Variants in ALDH1L1 observed in about 807,000 individuals in gnomAD.
ALDH1L1 encodes aldehyde dehydrogenase 1 family member L1.
ALDH1L1 carries 68 observed loss-of-function variants against 101.1 expected under a neutral mutation model. The observed-to-expected ratio is 0.67, with a 90% CI of 0.55 to 0.82. The LOEUF (loss-of-function observed/expected upper bound fraction) is 0.82. Among genes scored for constraint, ALDH1L1 ranks in the 40% least tolerant of loss-of-function variants. The pLI, the probability that ALDH1L1 is intolerant of heterozygous loss-of-function variation, is 0.00. For synonymous variants in ALDH1L1, 486 were observed against 470.8 expected (o/e 1.03, Z -0.42); for missense variants, 1,087 against 1,172.7 (o/e 0.93, Z 1.07).
Position 126,135,547 on chromosome 3 carries a change from CG to C in ALDH1L1, c.1459del (p.Arg487GlyfsTer2). ...GTTGGGCTCCCACCTGTACATCAGC[CG>C]GCCCCGGTCCCGCGCACTGATCTTC... Reference protein sequence around the residue: ...WGKISARDRGRLMYRLADLME... With the variant: ...WGKISARDRGXLMYRLADLME... On this transcript the variant is annotated frameshift_variant, in exon 12 of 23. Transcript: ENST00000393434. LOFTEE classifies it high-confidence loss of function. 6.2e-7 allele frequency: 1 copy of C among 1,608,004 alleles called. No homozygotes were observed.
intron 1 of ALDH1L1, among the ~76,000 whole-genome samples, chr3:126,197,142 A>C (rs2081586147): frequency 6.6e-6 from 1 of 152,194 alleles, no homozygotes; most frequent in South Asian, 2.1e-4. Context: ...CTGCAACACA[A>C]AAGAAAAAAA....
intron 1 of ALDH1L1, among the ~76,000 whole-genome samples, chr3:126,177,194 G>A (rs904024646): frequency 7.2e-5 from 11 of 152,094 alleles, no homozygotes; most frequent in East Asian, 1.9e-4. Context: ...TCCATCAATC[G>A]CTCTTGATAT....
chr3:126,193,839 T>C (rs1418980423), intron 1 of ALDH1L1, among the ~76,000 whole-genome samples: 1 of 152,254 alleles, frequency 6.6e-6, no homozygotes, highest in Non-Finnish European at 1.5e-5. Flanking sequence ...AAGTATTTTC[T>C]TGATATTTAA....
In ALDH1L1 at chr3:126,112,840, A is replaced by G. The variant is rs373215192; in HGVS notation, c.2123T>C (p.Ile708Thr). ...SVFFNKGENC[I>T]AAGRLFVEDS... ...CTCCACAAAGAGTCGGCCTGCTGCA[A>G]TGCAATTCTCTCCTTTGTTGAAGAA... Residue 708 changes from isoleucine (I) to threonine (T), a missense_variant, in exon 19 of 23, where the codon ATT becomes ACT. Ile to Thr is a moderately conservative substitution (Grantham distance 89, BLOSUM62 -1). Transcript: ENST00000393434. 5.6e-6 allele frequency: 9 copies of G among 1,613,568 alleles called. No individual in the cohort carries two copies. Among genetic ancestry groups the G allele is most frequent in the Non-Finnish European group, 6.8e-6 (8 of 1,180,032 alleles).
chr3:126,147,463 T>G (rs1213573317), intron 8 of ALDH1L1, among the ~76,000 whole-genome samples: 1 of 152,208 alleles, frequency 6.6e-6, no homozygotes, highest in African/African-American at 2.4e-5. Context: ...GTCTGTGTCC[T>G]CTGAAGGATT....
intron 8 of ALDH1L1, among the ~76,000 whole-genome samples, chr3:126,149,284 G>A (rs1020315193): frequency 6.6e-6 from 1 of 152,228 alleles, no homozygotes; most frequent in Non-Finnish European, 1.5e-5. Flanking sequence ...ACCTCTTCAT[G>A]TGTGTTATCT....
intron 22 of ALDH1L1, 114 bp downstream of exon 22, chr3:126,105,612 T>C (rs1368750760): frequency 8.2e-7 from 1 of 1,226,622 alleles, no homozygotes; most frequent in East Asian, 2.3e-5. Flanking sequence ...CTGACAGCCA[T>C]CATGTTCAAG....
At chr3:126,156,072 G>A (rs1188328405) in intron 4 of ALDH1L1, 1 of 152,616 alleles carries the variant, frequency 6.6e-6, no homozygotes, top group Non-Finnish European at 1.5e-5. Flanking sequence ...ATCTGAGGCA[G>A]GGCTGCCCAA....
At chr3:126,127,124 C>T (rs2080202958) in intron 14 of ALDH1L1, among the ~76,000 whole-genome samples, 1 of 152,190 alleles carries the variant, frequency 6.6e-6, no homozygotes, top group Non-Finnish European at 1.5e-5. Context: ...TGATTAGGCC[C>T]TGGATTGGTG....
chr3:126,136,959 C>T, intron 10 of ALDH1L1, 76 bp from the exon 11 acceptor site: 1 of 1,580,060 alleles, frequency 6.3e-7, no homozygotes, highest in South Asian at 1.2e-5. Context: ...CACACAGTCA[C>T]ACACACACAC....
At chr3:126,119,258 G>A (rs1255704770) in intron 16 of ALDH1L1, among the ~76,000 whole-genome samples, 4 of 152,168 alleles carry the variant, frequency 2.6e-5, no homozygotes, top group Non-Finnish European at 4.4e-5. Context: ...ACTCCTCTGG[G>A]ATTCAGATCC....
At chr3:126,165,546 T>G (rs1393447658) in intron 1 of ALDH1L1, among the ~76,000 whole-genome samples, 3 of 152,228 alleles carry the variant, frequency 2.0e-5, no homozygotes, top group Non-Finnish European at 4.4e-5. Flanking sequence ...TGAATCCATC[T>G]GGCCCTGAGC....
intron 16 of ALDH1L1, among the ~76,000 whole-genome samples, chr3:126,121,200 G>C (rs913318263): frequency 6.6e-6 from 1 of 152,160 alleles, no homozygotes; most frequent in Admixed American, 6.5e-5. Flanking sequence ...GTCTTCCCTA[G>C]AACCTTTTAG....
chr3:126,152,817 T>A (rs2080831246), intron 7 of ALDH1L1: 1 of 161,456 alleles, frequency 6.2e-6, no homozygotes, highest in African/African-American at 2.4e-5. Context: ...CCTGGACAAG[T>A]TATTTAAATC....
In ALDH1L1 at chr3:126,153,568, A is replaced by G; in HGVS notation, c.734T>C (p.Phe245Ser). The change falls in exon 7 of 23, where the codon TTC becomes TCC. Residue 245 changes from phenylalanine to serine, a missense_variant. Around this residue, in one of 2 missense-constraint regions of ALDH1L1, gnomAD observed 645 missense variants for 637.0 expected, o/e 1.01. Transcript: ENST00000393434. ...GCCTGAAGTGTTCAGCGTTGAGTTG[A>G]AAAATGTCAGTTTCTGTCAAGGGGA... ...TEACEQKLTF[F>S]NSTLNTSGLV... is the part of the protein sequence containing the mutation. 6.2e-7 allele frequency: 1 copy of G among 1,611,822 alleles called. No individual in the cohort carries two copies. Among genetic ancestry groups the G allele is most frequent in the Non-Finnish European group, 8.5e-7 (1 of 1,178,722 alleles).
chr3:126,135,330 T>G, intron 12 of ALDH1L1: 1 of 560,070 alleles, frequency 1.8e-6, no homozygotes. Flanking sequence ...ATGTCTCCTG[T>G]TTCTCATATC....
chr3:126,180,835 G>T (rs995987168), upstream of ALDH1L1: 94 of 1,545,162 alleles, frequency 6.1e-5, no homozygotes, highest in African/African-American at 1.2e-3. Flanking sequence ...GCTTTGAAAA[G>T]TCCCAAGCAC....
chr3:126,173,409 T>C (rs537611971), intron 1 of ALDH1L1, among the ~76,000 whole-genome samples: 189 of 152,134 alleles, frequency 1.2e-3, no homozygotes, highest in African/African-American at 4.3e-3. Context: ...TAAGTGTATA[T>C]TGCAAACTGT....
intron 12 of ALDH1L1, among the ~76,000 whole-genome samples, chr3:126,133,779 C>T (rs1243627576): frequency 1.3e-5 from 2 of 152,184 alleles, no homozygotes; most frequent in Admixed American, 6.5e-5. Flanking sequence ...CCAGCAGGCT[C>T]GGCCGGCCCT....
Sources: gnomAD v4.1 joint callset for allele counts (sites outside exome capture counted in the v4.1 genomes callset) on GRCh38, gnomAD v4.1.1 for gene constraint, gnomAD v4.1.1 regional missense constraint, MANE v1.5 for transcripts, NCBI Gene and HGNC (gene_info 2026-07-23, HGNC 2026-07-21) for gene names.